The following PRAG1 variants were observed in gnomAD, a reference collection of about 807,000 sequenced individuals.
The protein encoded by PRAG1 is inactive tyrosine-protein kinase PRAG1.
In PRAG1, 110 loss-of-function variants were observed where a neutral mutation model predicts 95.6. The ratio of observed to expected loss-of-function variants is 1.15; its 90% CI spans 0.99 to 1.35. The LOEUF is 1.35. Among genes scored for constraint, PRAG1 ranks in the 40% most tolerant of loss-of-function variants. The pLI is 0.00. For synonymous variants in PRAG1, 1,052 were observed against 819.4 expected (o/e 1.28, Z -4.85); for missense variants, 2,554 against 1,864.7 (o/e 1.37, Z -6.81).
At chr8:8,325,679 G>C (rs1049574381) in intron 5 of PRAG1, among the ~76,000 whole-genome samples, 1 of 152,088 alleles carries the variant, frequency 6.6e-6, no homozygotes, top group African/African-American at 2.4e-5. Flanking sequence ...CGGAGGCCGA[G>C]GCAGGTGGAT....
intron 3 of PRAG1, 95 bp from the exon 4 acceptor site, chr8:8,339,730 C>T: frequency 1.6e-6 from 2 of 1,265,810 alleles, no homozygotes; most frequent in Non-Finnish European, 1.1e-6. Context: ...CTCTTGAAAC[C>T]TGGCCAATGT....
chr8:8,357,632 G>C (rs1319843414), intron 3 of PRAG1, among the ~76,000 whole-genome samples: 1 of 152,132 alleles, frequency 6.6e-6, no homozygotes, highest in African/African-American at 2.4e-5. Flanking sequence ...CAGTAAGGCA[G>C]TTCCTCAAAA....
chr8:8,353,878 A>G (rs1286306360), intron 3 of PRAG1, among the ~76,000 whole-genome samples: 1 of 152,100 alleles, frequency 6.6e-6, no homozygotes, highest in East Asian at 1.9e-4. Flanking sequence ...TGGTAGTAGT[A>G]GAAGAGGAAG....
Position 8,318,762 on chromosome 8 carries a change from G to C in PRAG1, c.3613C>G (p.Arg1205Gly). 1.3e-6 allele frequency: 2 copies of C among 1,581,392 alleles called. No individual in the cohort carries two copies. Among genetic ancestry groups the C allele is most frequent in the South Asian group, 1.1e-5 (1 of 87,886 alleles). ...AAGPASPEGP[R>G]EKQLPRLIIS... ...ATGAGCCGGGGCAGCTGCTTCTCCC[G>C]GGGCCCTTCCGGGGAGGCGGGGCCG... Residue 1205 changes from arginine (R) to glycine (G), a missense_variant, in exon 6 of 6, where the codon CGG (arginine) becomes GGG (glycine). Transcript: ENST00000615670. The surrounding 1 kb of genome is among the most constrained non-coding windows in gnomAD (Gnocchi z 4.2).
At chr8:8,381,146 A>T (rs561346100) in intron 2 of PRAG1, among the ~76,000 whole-genome samples, 49 of 152,274 alleles carry the variant, frequency 3.2e-4, no homozygotes, top group Middle Eastern at 3.4e-3. Context: ...ACTTTTTTTT[A>T]AAAAAGCTTC....
intron 2 of PRAG1, among the ~76,000 whole-genome samples, 198 bp from the exon 3 acceptor site, chr8:8,378,276 G>A (rs1261448347): frequency 5.3e-5 from 8 of 152,248 alleles, no homozygotes; most frequent in Admixed American, 2.0e-4. Flanking sequence ...TGGGGCACCC[G>A]CTGAGCCATT....
At position 8,318,335 on chromosome 8, in the gene PRAG1, A is replaced by C; in HGVS notation, c.4040T>G (p.Leu1347Arg). Residue 1347 changes from leucine (L) to arginine (R), a missense_variant, in exon 6 of 6, where the codon CTG becomes CGG. Coordinates refer to ENST00000615670, the MANE Select transcript of PRAG1 (RefSeq NM_001080826.3). The surrounding 1 kb of genome is among the most constrained non-coding windows in gnomAD (Gnocchi z 4.2). ...GATCCAGTTGTGCAGCGTGCCGCAC[A>C]GCGCCTCCTCCGAGGTGCCCGGCTG... ...VQQPGTSEEA[L>R]CGTLHNWIDM... The C allele has an allele frequency of 6.2e-7, 1 of 1,614,106 alleles. No individual in the cohort carries two copies. The highest frequency in any genetic ancestry group is 1.1e-5 in the South Asian group (1 of 91,082).
At chr8:8,341,624 TTACTC>T (rs1367416803) in intron 3 of PRAG1, among the ~76,000 whole-genome samples, 30 of 152,252 alleles carry the variant, frequency 2.0e-4, no homozygotes, top group African/African-American at 7.2e-4. Context: ...TGTTTCTCCT[TTACTC>T]TGTGAATGTG....
intron 4 of PRAG1, among the ~76,000 whole-genome samples, chr8:8,334,362 G>C (rs1441312758): frequency 6.6e-6 from 1 of 151,846 alleles, no homozygotes; most frequent in African/African-American, 2.4e-5. Flanking sequence ...ACTTGAGCCT[G>C]GAAGTGGAGG....
At chr8:8,374,667 C>T in intron 3 of PRAG1, 1 of 985,400 alleles carries the variant, frequency 1.0e-6, no homozygotes, top group Non-Finnish European at 1.2e-6. Context: ...CTGAATCTCT[C>T]ATTCATTCGG....
intron 4 of PRAG1, among the ~76,000 whole-genome samples, chr8:8,331,199 T>C (rs191054427): frequency 1.2e-4 from 18 of 152,190 alleles, no homozygotes. Context: ...GCTAGGGAGG[T>C]TCATAACAGA....
intron 4 of PRAG1, among the ~76,000 whole-genome samples, chr8:8,337,333 G>C (rs1167293884): frequency 6.6e-6 from 1 of 152,200 alleles, no homozygotes; most frequent in East Asian, 1.9e-4. Context: ...CATGGGACTG[G>C]AAGATAATTG....
chr8:8,338,221 A>C (rs1799052473), intron 4 of PRAG1, among the ~76,000 whole-genome samples: 1 of 152,178 alleles, frequency 6.6e-6, no homozygotes, highest in African/African-American at 2.4e-5. Context: ...CATGTGTTTT[A>C]ACCTTATCTT....
intron 1 of PRAG1, among the ~76,000 whole-genome samples, chr8:8,382,541 C>T (rs1438497266): frequency 1.3e-5 from 2 of 152,108 alleles, no homozygotes; most frequent in Non-Finnish European, 2.9e-5. Context: ...AGGGGCAAAC[C>T]AGTAGTAAGA....
At chr8:8,343,216 C>A (rs763403734) in intron 3 of PRAG1, among the ~76,000 whole-genome samples, 17 of 149,080 alleles carry the variant, frequency 1.1e-4, no homozygotes, top group Non-Finnish European at 2.1e-4. Context: ...TCAGATCAGA[C>A]TGACAACGTC....
chr8:8,386,013 G>A (rs933823305), intron 1 of PRAG1, among the ~76,000 whole-genome samples: 1 of 152,198 alleles, frequency 6.6e-6, no homozygotes, highest in African/African-American at 2.4e-5. Context: ...CAAGACCAGA[G>A]AAACCATCCT....
At position 8,364,009 on chromosome 8, in the gene PRAG1, C is replaced by G. The variant is rs190949526; in HGVS notation, c.2162+12238G>C. 9.9e-5 allele frequency among the ~76,000 whole-genome samples: 15 copies of G among 152,204 alleles called. No individual in the cohort carries two copies. In the East Asian group the frequency reaches 2.9e-3, roughly 29 times the overall value. The stretch of plus-strand genomic sequence containing the variant: ...TACCTATTTCTCTAGAGATGAATAC[C>G]TGGACTTGCTCTAACTCCCTGCTAC... On this transcript the variant is annotated intron_variant, in intron 3 of 5. Coordinates refer to ENST00000615670, the MANE Select transcript of PRAG1 (RefSeq NM_001080826.3).
chr8:8,385,604 C>A (rs1248122011), intron 1 of PRAG1, among the ~76,000 whole-genome samples: 1 of 152,216 alleles, frequency 6.6e-6, no homozygotes, highest in Non-Finnish European at 1.5e-5. Flanking sequence ...CGCCCCTAGA[C>A]CATTGGGCTT....
intron 4 of PRAG1, among the ~76,000 whole-genome samples, chr8:8,336,075 T>A (rs1277502118): frequency 6.6e-6 from 1 of 152,228 alleles, no homozygotes; most frequent in Non-Finnish European, 1.5e-5. Context: ...ACTGCCCTGG[T>A]ACATGTATTC....
Sources: gnomAD v4.1 joint callset for allele counts (sites outside exome capture counted in the v4.1 genomes callset) on GRCh38, gnomAD v4.1.1 for gene constraint, Gnocchi (gnomAD v3.1) non-coding constraint, MANE v1.5 for transcripts, NCBI Gene and HGNC (gene_info 2026-07-23, HGNC 2026-07-21) for gene names.